PCM1: variants seen among roughly 807,000 people sequenced by gnomAD.
PCM1 encodes pericentriolar material 1 protein.
PCM1 carries 157 observed loss-of-function variants against 241.9 expected under a neutral mutation model. The ratio of observed to expected loss-of-function variants is 0.65; its 90% CI spans 0.57 to 0.74. The LOEUF (loss-of-function observed/expected upper bound fraction) is 0.74. Ranked by LOEUF, PCM1 falls within the 30% of genes least tolerant of loss-of-function variation. The probability of loss-of-function intolerance (pLI) is 0.00; values close to 1 mark genes in which losing one functional copy is unlikely to be tolerated. For missense variants in PCM1, 3,478 were observed against 2,360.1 expected (o/e 1.47, Z -9.81); for synonymous variants, 1,085 against 784.9 (o/e 1.38, Z -6.39).
chr8:17,933,845 C>G (rs1429784462), intron 2 of PCM1, among the ~76,000 whole-genome samples: 2 of 151,702 alleles, frequency 1.3e-5, no homozygotes, highest in African/African-American at 2.4e-5. Flanking sequence ...ATGTAGCATT[C>G]TTATTTTGGT....
At position 17,985,596 on chromosome 8, in the gene PCM1, C is replaced by G; in HGVS notation, c.4258C>G (p.Gln1420Glu). The G allele has an allele frequency of 1.2e-6, 2 of 1,607,372 alleles. No homozygotes were observed. Among genetic ancestry groups the G allele is most frequent in the Non-Finnish European group, 1.7e-6 (2 of 1,176,346 alleles). The change falls in exon 25 of 39, where the codon CAG becomes GAG. Residue 1420 changes from glutamine (Q) to glutamate (E), a missense_variant. Gln to Glu is a conservative substitution (Grantham distance 29, BLOSUM62 2). Coordinates refer to ENST00000325083, the MANE Select transcript of PCM1 (RefSeq NM_006197.4). ...LQLLNTDYLR[Q>E]RALYALQDIV... ...GCTACTAAACACAGACTACTTGAGA[C>G]AGAGGGCTTTATATGCATTGCAGGT...
At chr8:17,930,674 G>A (rs931315137) in intron 2 of PCM1, among the ~76,000 whole-genome samples, 2 of 151,632 alleles carry the variant, frequency 1.3e-5, no homozygotes, top group Non-Finnish European at 2.9e-5. Context: ...GTCAGGAGAT[G>A]GAGACCATCC....
chr8:17,981,584 A>G (rs1309063544), intron 24 of PCM1, among the ~76,000 whole-genome samples: 1 of 152,174 alleles, frequency 6.6e-6, no homozygotes. Flanking sequence ...ATAGACCTTA[A>G]TCTAGTAGCT....
Position 18,014,037 on chromosome 8 carries a change from G to A in PCM1, c.5584+1G>A. 6.5e-7 allele frequency: 1 copy of A among 1,533,238 alleles called. No individual in the cohort carries two copies. The highest frequency in any genetic ancestry group is 8.9e-7 in the Non-Finnish European group (1 of 1,123,544). 95.0% of individuals were successfully genotyped at this position (1,533,238 alleles called of 1,614,324 possible). On this transcript the variant is annotated splice_donor_variant, in intron 35 of 38. Transcript: ENST00000325083. LOFTEE classifies it high-confidence loss of function. ...TTGGAACGAGAAGCCACTAGTAAAAGTAAGAAATCTAAATAAGTCTTTGAT... is the reference window on the plus strand; with the variant it reads ...TTGGAACGAGAAGCCACTAGTAAAAATAAGAAATCTAAATAAGTCTTTGAT...
chr8:17,987,614 A>G (rs2083044446), intron 26 of PCM1, among the ~76,000 whole-genome samples: 1 of 151,904 alleles, frequency 6.6e-6, no homozygotes, highest in Admixed American at 6.6e-5. Flanking sequence ...TAATTAAGTA[A>G]CTAAATCAGT....
rs1480630507 is a variant in PCM1, at chr8:17,953,156, C to A, written c.1258C>A (p.Leu420Ile). 4 of 1,578,274 alleles carry A rather than the reference C, an allele frequency of 2.5e-6. No individual in the cohort carries two copies. The highest frequency in any genetic ancestry group is 3.4e-6 in the Non-Finnish European group (4 of 1,160,024). ...CAAATTGCTTGGAGAACTTCATACA[C>A]TTCGAGATCAGCATCTTAACAATTC... ...MDKLLGELHT[L>I]RDQHLNNSSS... Residue 420 changes from leucine to isoleucine, a missense_variant, in exon 9 of 39, where the codon CTT becomes ATT. Leu to Ile is a conservative substitution (Grantham distance 5, BLOSUM62 2). Coordinates refer to ENST00000325083, the MANE Select transcript of PCM1 (RefSeq NM_006197.4).
intron 1 of PCM1, among the ~76,000 whole-genome samples, chr8:17,923,835 C>A (rs953693728): frequency 1.2e-4 from 18 of 152,026 alleles, no homozygotes; most frequent in African/African-American, 4.3e-4. Flanking sequence ...TAGAATTGGG[C>A]CTAGAACCGG....
chr8:17,940,295 G>C, intron 6 of PCM1: 2 of 535,240 alleles, frequency 3.7e-6, no homozygotes, highest in South Asian at 2.9e-5. Flanking sequence ...TGTTAATGCT[G>C]TATGTGTTCT....
chr8:17,942,895 G>C (rs922940011), intron 6 of PCM1, among the ~76,000 whole-genome samples: 2 of 151,782 alleles, frequency 1.3e-5, no homozygotes, highest in African/African-American at 4.8e-5. Context: ...TACTCAGGAG[G>C]CTGAGGCAGG....
rs186902275 is a variant in PCM1 at position 18,026,025 on chromosome 8, G to A, written c.6049+367G>A. Reference sequence around the variant, plus strand: ...TAAAAATACAAAAAATCAGCCAAGCGCGGTGGCGGGCGCCTGTAGTGCCAG... The same window carrying A: ...TAAAAATACAAAAAATCAGCCAAGCACGGTGGCGGGCGCCTGTAGTGCCAG... On this transcript the variant is annotated intron_variant, in intron 38 of 38. Coordinates refer to ENST00000325083, the MANE Select transcript of PCM1 (RefSeq NM_006197.4). 5.4e-3 allele frequency among the ~76,000 whole-genome samples: 816 copies of A among 151,424 alleles called. 7 individuals carry two copies. Among genetic ancestry groups the A allele is most frequent in the African/African-American group, 0.018 (754 of 41,350 alleles).
chr8:17,960,929 C>T (rs208062), intron 15 of PCM1, among the ~76,000 whole-genome samples: 80,715 of 151,842 alleles, frequency 0.53, 22,216 homozygotes, highest in Middle Eastern at 0.65. Flanking sequence ...AAAGACAGCA[C>T]ATAGGAATTG....
At chr8:17,967,289 A>G (rs377051633) in intron 21 of PCM1, 119 bp downstream of exon 21, 1 of 686,478 alleles carries the variant, frequency 1.5e-6, no homozygotes, top group Non-Finnish European at 2.3e-6. Flanking sequence ...AATGTTTGCA[A>G]AGAAAGTTAC....
intron 5 of PCM1, among the ~76,000 whole-genome samples, chr8:17,939,213 C>A (rs1172316902): frequency 5.9e-5 from 9 of 152,108 alleles, no homozygotes; most frequent in Non-Finnish European, 1.5e-5. Context: ...ATGGCATATT[C>A]AGGTTAGTTA....
intron 6 of PCM1, 32 bp from the exon 7 acceptor site, chr8:17,947,154 C>G (rs752278525): frequency 7.8e-6 from 11 of 1,414,430 alleles, no homozygotes; most frequent in Non-Finnish European, 1.1e-5. Context: ...TTTTAATAGT[C>G]AGATACAAGT....
intron 29 of PCM1, among the ~76,000 whole-genome samples, chr8:18,005,172 T>C (rs1398267247): frequency 2.0e-5 from 3 of 152,152 alleles, no homozygotes; most frequent in Non-Finnish European, 2.9e-5. Flanking sequence ...TTTAAAAATA[T>C]TTATTTATTC....
rs1173874651 is a variant in PCM1, at chr8:17,989,770, T to G, written c.4411-89T>G. On this transcript the variant is annotated intron_variant, in intron 26 of 38. Coordinates refer to ENST00000325083, the MANE Select transcript of PCM1 (RefSeq NM_006197.4). Reference sequence around the variant, plus strand: ...ATGAATATCTTTTAAGTGTACAATTTTATGTAAATACTTAGTTATCTCTGT... The same window carrying G: ...ATGAATATCTTTTAAGTGTACAATTGTATGTAAATACTTAGTTATCTCTGT... 4 of 924,248 alleles carry G rather than the reference T, an allele frequency of 4.3e-6. No individual in the cohort carries two copies. The African/African-American group carries it at 6.7e-5, about 15-fold the overall frequency. The allele number at this position is 924,248 out of a possible 1,614,324, so 57.3% of individuals were successfully genotyped here. A position where few individuals can be genotyped will look rare whatever the true frequency, so the allele number is the denominator to read the frequency against.
intron 36 of PCM1, among the ~76,000 whole-genome samples, chr8:18,019,611 C>G (rs2093599047): frequency 6.6e-6 from 1 of 152,154 alleles, no homozygotes; most frequent in Non-Finnish European, 1.5e-5. Context: ...AGCACGCAAC[C>G]TAGATCTCTG....
In PCM1 at chr8:17,969,564, T is replaced by C. The variant is rs2076171864; in HGVS notation, c.3413-13T>C. On this transcript the variant is annotated splice_polypyrimidine_tract_variant and intron_variant, in intron 21 of 38. Coordinates refer to ENST00000325083, the MANE Select transcript of PCM1 (RefSeq NM_006197.4). The stretch of plus-strand genomic sequence containing the variant: ...TATTTATTTTTCTCTTACCCATTGC[T>C]TTTACTGATTAGGTATGAATTTCAG... The C allele has an allele frequency of 5.1e-6, 8 of 1,558,358 alleles. No individual in the cohort carries two copies. The East Asian group carries it at 1.8e-4, about 36-fold the overall frequency.
intron 25 of PCM1, 134 bp downstream of exon 25, chr8:17,985,753 T>C (rs771115095): frequency 5.0e-5 from 41 of 822,608 alleles, no homozygotes; most frequent in Non-Finnish European, 7.5e-5. Flanking sequence ...TGACATTTTA[T>C]TTAAAATTTT....
Sources: allele counts gnomAD v4.1 joint callset (sites outside exome capture counted in the v4.1 genomes callset), GRCh38; gene constraint gnomAD v4.1.1; transcripts MANE v1.5; gene names NCBI Gene and HGNC (gene_info 2026-07-23, HGNC 2026-07-21).